Variants in DPYD observed in about 807,000 individuals in gnomAD.
The protein encoded by DPYD is dihydropyrimidine dehydrogenase.
A neutral mutation model predicts 116.2 loss-of-function variants in DPYD; 109 were observed. The observed-to-expected ratio is 0.94, with a 90% confidence interval of 0.80 to 1.10. DPYD has a LOEUF of 1.10. DPYD is among the 50% of genes least tolerant of loss of function. The pLI, the probability that DPYD is intolerant of heterozygous loss-of-function variation, is 0.00. For missense variants in DPYD, 1,302 were observed against 1,254.5 expected, an observed-to-expected ratio of 1.04 and a Z score of -0.57; for synonymous variants, 440 against 432.0, an observed-to-expected ratio of 1.02 and a Z score of -0.23.
At chr1:97,653,082 T>G (rs1031576715) in intron 8 of DPYD, among the ~76,000 whole-genome samples, 4 of 152,180 alleles carry the variant, frequency 2.6e-5, no homozygotes, top group African/African-American at 9.6e-5. Context: ...CATTTATCTA[T>G]CTTCTCTGTC....
At chr1:97,571,413 G>A (rs1336735503) in intron 11 of DPYD, among the ~76,000 whole-genome samples, 1 of 151,846 alleles carries the variant, frequency 6.6e-6, no homozygotes, top group Non-Finnish European at 1.5e-5. Context: ...TAAGTGACTT[G>A]GAGGAGAGCA....
chr1:97,277,451 A>G (rs1345799942), intron 18 of DPYD, among the ~76,000 whole-genome samples: 2 of 152,156 alleles, frequency 1.3e-5, no homozygotes, highest in South Asian at 4.1e-4. Context: ...ATCAGAAATG[A>G]ACTATTGATC....
chr1:97,088,264 T>C (rs879429741), intron 21 of DPYD, among the ~76,000 whole-genome samples: 1 of 152,194 alleles, frequency 6.6e-6, no homozygotes, highest in Admixed American at 6.5e-5. Flanking sequence ...ATTTCTAAGC[T>C]CAGACTTCCT....
At chr1:97,865,591 G>C (rs1219214295) in intron 2 of DPYD, among the ~76,000 whole-genome samples, 1 of 151,868 alleles carries the variant, frequency 6.6e-6, no homozygotes, top group East Asian at 1.9e-4. Context: ...TATATAGGCA[G>C]TAAATTTTTT....
chr1:97,486,600 C>A (rs1304888893), intron 13 of DPYD, among the ~76,000 whole-genome samples: 1 of 152,036 alleles, frequency 6.6e-6, no homozygotes, highest in African/African-American at 2.4e-5. Context: ...AATTTAGAAT[C>A]CTTCAACTTT....
At chr1:97,370,676 A>G (rs1671270789) in intron 16 of DPYD, among the ~76,000 whole-genome samples, 1 of 152,194 alleles carries the variant, frequency 6.6e-6, no homozygotes, top group Non-Finnish European at 1.5e-5. Flanking sequence ...AAATAACAGT[A>G]GCCTGCTATT....
chr1:97,116,353 T>TCCA (rs1651964507), intron 20 of DPYD, among the ~76,000 whole-genome samples: 1 of 151,840 alleles, frequency 6.6e-6, no homozygotes, highest in African/African-American at 2.4e-5. Context: ...GCTTAGGAGG[T>TCCA]CCAGATATAA....
chr1:97,610,022 ATAAT>A (rs1332126906), intron 8 of DPYD, among the ~76,000 whole-genome samples: 1 of 152,006 alleles, frequency 6.6e-6, no homozygotes, highest in South Asian at 2.1e-4. Context: ...GAAAGAGGTA[ATAAT>A]TAAAGTGTTA....
intron 13 of DPYD, among the ~76,000 whole-genome samples, chr1:97,484,741 T>TA: frequency 6.6e-6 from 1 of 152,348 alleles, no homozygotes; most frequent in East Asian, 1.9e-4. Context: ...TTCCAACTCT[T>TA]AAAATACATA....
intron 8 of DPYD, among the ~76,000 whole-genome samples, chr1:97,673,586 C>T (rs539258147): frequency 1.1e-4 from 17 of 152,228 alleles, no homozygotes; most frequent in African/African-American, 3.6e-4. Context: ...CAGACAGAAT[C>T]TACAGTCTTT....
At chr1:97,308,378 C>G (rs1024856203) in intron 16 of DPYD, 1 of 151,718 alleles carries the variant, frequency 6.6e-6, no homozygotes, top group Non-Finnish European at 1.5e-5. Context: ...TTTTTCTCAT[C>G]TTCATACTTA....
At chr1:97,416,212 T>C (rs867444544) in intron 14 of DPYD, among the ~76,000 whole-genome samples, 2 of 152,206 alleles carry the variant, frequency 1.3e-5, no homozygotes, top group African/African-American at 2.4e-5. Flanking sequence ...TAATTCCTTA[T>C]AGCTCGGAAA....
intron 8 of DPYD, among the ~76,000 whole-genome samples, chr1:97,644,596 CTTGTTTT>C (rs1168919978): frequency 8.6e-5 from 13 of 150,586 alleles, no homozygotes; most frequent in Non-Finnish European, 1.6e-4. Context: ...ACACAGCTAG[CTTGTTTT>C]TTGTTTTTTG....
At chr1:97,223,059 T>A (rs778034806) in intron 19 of DPYD, among the ~76,000 whole-genome samples, 12 of 152,180 alleles carry the variant, frequency 7.9e-5, no homozygotes, top group South Asian at 2.1e-4. Context: ...TCTGTGTATA[T>A]TATGACCAAG....
intron 7 of DPYD, among the ~76,000 whole-genome samples, chr1:97,690,127 A>G (rs1161602190): frequency 6.6e-6 from 1 of 152,072 alleles, no homozygotes; most frequent in East Asian, 1.9e-4. Context: ...GCATATGTAA[A>G]CAAATATTTT....
At chr1:97,356,109 T>C (rs1009930404) in intron 16 of DPYD, among the ~76,000 whole-genome samples, 2 of 152,212 alleles carry the variant, frequency 1.3e-5, no homozygotes, top group African/African-American at 4.8e-5. Context: ...GTTGTCTTTT[T>C]GATAACAGCC....
At chr1:97,607,770 C>T (rs1159211401) in intron 8 of DPYD, among the ~76,000 whole-genome samples, 1 of 151,804 alleles carries the variant, frequency 6.6e-6, no homozygotes, top group African/African-American at 2.4e-5. Flanking sequence ...CAGAAGAAAA[C>T]TGGATGCAAA....
chr1:97,777,362 G>C (rs1466740260), intron 3 of DPYD, among the ~76,000 whole-genome samples: 1 of 152,128 alleles, frequency 6.6e-6, no homozygotes, highest in Admixed American at 6.6e-5. Flanking sequence ...AGGCCAAAGA[G>C]ACTGCAAATA....
intron 19 of DPYD, among the ~76,000 whole-genome samples, chr1:97,218,388 T>TATA (rs1393112703): frequency 6.6e-6 from 1 of 151,960 alleles, no homozygotes; most frequent in Non-Finnish European, 1.5e-5. Context: ...TATATACAGG[T>TATA]ATAAGGTAGA....
Sources: allele counts gnomAD v4.1 joint callset (sites outside exome capture counted in the v4.1 genomes callset), GRCh38; gene constraint gnomAD v4.1.1; transcripts MANE v1.5; gene names NCBI Gene and HGNC (gene_info 2026-07-23, HGNC 2026-07-21).